MAP3K13: variants seen among roughly 807,000 people sequenced by gnomAD.
The protein encoded by MAP3K13 is mitogen-activated protein kinase kinase kinase 13.
In MAP3K13, 52 loss-of-function variants were observed where a neutral mutation model predicts 104.0. The ratio of observed to expected loss-of-function variants is 0.50; its 90% CI spans 0.40 to 0.63. MAP3K13 has a LOEUF of 0.63. Among genes scored for constraint, MAP3K13 ranks in the 20% least tolerant of loss-of-function variants. The pLI is 0.00. For synonymous variants in MAP3K13, 394 were observed against 442.2 expected, an observed-to-expected ratio of 0.89 and a Z score of 1.37; for missense variants, 914 against 1,218.5, an observed-to-expected ratio of 0.75 and a Z score of 3.72.
chr3:185,328,502 G>T (rs184710495), intron 2 of MAP3K13: 1 of 152,082 alleles, frequency 6.6e-6, no homozygotes, highest in South Asian at 2.1e-4. Flanking sequence ...CGCCCGTCTC[G>T]GCCTCTCAAA....
At chr3:185,416,782 C>G (rs1406011558) in intron 1 of MAP3K13, among the ~76,000 whole-genome samples, 1 of 148,592 alleles carries the variant, frequency 6.7e-6, no homozygotes, top group African/African-American at 2.5e-5. Flanking sequence ...CCACCATGCC[C>G]AGCTATTTTT....
At chr3:185,429,105 T>C (rs755115645) in intron 2 of MAP3K13, 49 bp downstream of exon 2, 1 of 1,541,254 alleles carries the variant, frequency 6.5e-7, no homozygotes, top group South Asian at 1.2e-5. Flanking sequence ...AAACACACCA[T>C]CACCACCACC....
At position 185,480,406 on chromosome 3, in the gene MAP3K13, G is replaced by A. The variant is rs757110367; in HGVS notation, c.2676G>A (p.Thr892=). The A allele has an allele frequency of 2.5e-6, 4 of 1,614,130 alleles. No individual in the cohort carries two copies. The highest frequency in any genetic ancestry group is 1.7e-6 in the Non-Finnish European group (2 of 1,180,014). ...AEKLDDLLSQ[T]PEIPIDISSH... is the part of the protein sequence containing the mutation. ...AGCTAGACGACCTGCTGTCCCAGACGCCAGAGATTCCCATTGACATATCCT... is the reference window on the plus strand; with the variant it reads ...AGCTAGACGACCTGCTGTCCCAGACACCAGAGATTCCCATTGACATATCCT... Residue 892 remains threonine, a synonymous_variant, in exon 13 of 14, where the codon ACG becomes ACA. Transcript: ENST00000265026.
At position 185,450,584 on chromosome 3, in the gene MAP3K13, T is replaced by G. The variant is rs1198337521; in HGVS notation, c.1169+526T>G. Among the ~76,000 whole-genome samples the G allele has an allele frequency of 2.0e-5, 3 of 151,872 alleles. No individual in the cohort carries two copies. The highest frequency in any genetic ancestry group is 7.3e-5 in the African/African-American group (3 of 41,322). On this transcript the variant is annotated intron_variant, in intron 6 of 13. Coordinates refer to ENST00000265026, the MANE Select transcript of MAP3K13 (RefSeq NM_004721.5). The surrounding 1 kb of genome is among the most constrained non-coding windows in gnomAD (Gnocchi z 4.2). ...GAGTTCAAGAGCAGCTTGGGCAACATAGCGAGACCCCATCTCTGTGTTAAA... is the reference window on the plus strand; with the variant it reads ...GAGTTCAAGAGCAGCTTGGGCAACAGAGCGAGACCCCATCTCTGTGTTAAA...
chr3:185,450,692 T>C lies in MAP3K13; in HGVS notation c.1170-595T>C, dbSNP rs1237555477. On this transcript the variant is annotated intron_variant, in intron 6 of 13. Coordinates refer to ENST00000265026, the MANE Select transcript of MAP3K13 (RefSeq NM_004721.5). The surrounding 1 kb of genome is among the most constrained non-coding windows in gnomAD (Gnocchi z 4.2). ...GCTCACGCCTGTAATCCCAACACTTTGGGAGGCCGAGGTAGGAGGATCACT... is the reference window on the plus strand; with the variant it reads ...GCTCACGCCTGTAATCCCAACACTTCGGGAGGCCGAGGTAGGAGGATCACT... Among the ~76,000 whole-genome samples, 3 of 152,042 alleles carry C rather than the reference T, an allele frequency of 2.0e-5. No individual in the cohort carries two copies. The highest frequency in any genetic ancestry group is 1.3e-4 in the Admixed American group (2 of 15,262).
intron 1 of MAP3K13, among the ~76,000 whole-genome samples, chr3:185,410,446 A>T (rs564075230): frequency 6.6e-6 from 1 of 152,288 alleles, no homozygotes; most frequent in East Asian, 1.9e-4. Context: ...CTGTAGGATG[A>T]CTATCGTTAA....
rs748560689 is a variant in MAP3K13, at chr3:185,428,887, C to A, written c.306C>A (p.Ser102Arg). ...ESETAVSQGN[S>R]NTVDGESTSG... ...AGACGGCGGTGTCTCAGGGGAACAG[C>A]AACACGGTGGACGGAGAGAGCACAA... Residue 102 changes from serine (S) to arginine (R), a missense_variant, in exon 2 of 14, where the codon AGC becomes AGA. Ser to Arg is a moderately radical substitution (Grantham distance 110). This residue lies in a region of MAP3K13 where 156 missense variants were observed against 159.8 expected (regional missense o/e 0.98). Coordinates refer to ENST00000265026, the MANE Select transcript of MAP3K13 (RefSeq NM_004721.5). 2.0e-5 allele frequency: 32 copies of A among 1,614,176 alleles called. No individual in the cohort carries two copies. The highest frequency in any genetic ancestry group is 2.7e-5 in the Non-Finnish European group (32 of 1,180,034).
Position 185,329,254 on chromosome 3 carries a change from G to A in MAP3K13, c.-86+43611G>A, listed in dbSNP as rs1292564189. On this transcript the variant is annotated intron_variant, in intron 2 of 14. Coordinates refer to the MAP3K13 transcript ENST00000424227. ...GTTTACAGTTAGAAAATAAAAGTGA[G>A]TATGTACCTAGTGCCGAGAGATTGT... 6 of 703,000 alleles carry A rather than the reference G, an allele frequency of 8.5e-6. No individual in the cohort carries two copies. The African/African-American group carries it at 8.7e-5, about 10-fold the overall frequency. The allele number at this position is 703,000 out of a possible 1,614,324, so 43.5% of individuals were successfully genotyped here.
intron 1 of MAP3K13, among the ~76,000 whole-genome samples, chr3:185,387,876 T>G (rs1711788062): frequency 6.6e-6 from 1 of 152,110 alleles, no homozygotes. Context: ...GTCAGATTTT[T>G]CCTCTTTGCA....
intron 1 of MAP3K13, among the ~76,000 whole-genome samples, chr3:185,426,722 G>A (rs1714441478): frequency 6.6e-6 from 1 of 152,042 alleles, no homozygotes; most frequent in African/African-American, 2.4e-5. Context: ...CTCCTTCACA[G>A]TTTCCCCCAC....
intron 1 of MAP3K13, among the ~76,000 whole-genome samples, chr3:185,377,688 G>A (rs1182439516): frequency 1.3e-5 from 2 of 152,248 alleles, no homozygotes; most frequent in African/African-American, 4.8e-5. Context: ...GTAATGTGGA[G>A]TAGGTAGCCT....
At chr3:185,285,854 T>C (rs1271426006) in intron 2 of MAP3K13, among the ~76,000 whole-genome samples, 1 of 152,198 alleles carries the variant, frequency 6.6e-6, no homozygotes, top group East Asian at 1.9e-4. Flanking sequence ...TGGCAAGCTA[T>C]ATTTATATTG....
intron 7 of MAP3K13, 69 bp from the exon 8 acceptor site, chr3:185,463,481 G>GTGAC: frequency 1.2e-6 from 1 of 863,196 alleles, no homozygotes; most frequent in Non-Finnish European, 1.9e-6. Context: ...AATCTTGTAC[G>GTGAC]TGACTTTATG....
At chr3:185,335,416 C>A (rs1265711058) in intron 2 of MAP3K13, among the ~76,000 whole-genome samples, 1 of 152,160 alleles carries the variant, frequency 6.6e-6, no homozygotes, top group African/African-American at 2.4e-5. Flanking sequence ...ACACCCCATC[C>A]CCTATTTGCT....
chr3:185,301,009 T>C (rs1721084918), intron 2 of MAP3K13, among the ~76,000 whole-genome samples: 1 of 152,158 alleles, frequency 6.6e-6, no homozygotes, highest in Non-Finnish European at 1.5e-5. Flanking sequence ...TTTTAATTTT[T>C]TGAGGAACTT....
At position 185,428,793 on chromosome 3, in the gene MAP3K13, G is replaced by C; in HGVS notation, c.212G>C (p.Ser71Thr). The change falls in exon 2 of 14, where the codon AGC (serine) becomes ACC (threonine). Residue 71 changes from serine to threonine, a missense_variant. Transcript: ENST00000265026. ...CCCGTCACCACAACAGTGTTGACGA[G>C]CGTAAGTGAGGATTCCAGGGACCAG... ...HSPVTTTVLTSVSEDSRDQFE... is the reference protein window; with the variant it reads ...HSPVTTTVLTTVSEDSRDQFE... 6.2e-7 allele frequency: 1 copy of C among 1,614,136 alleles called. No homozygotes were observed. Among genetic ancestry groups the C allele is most frequent in the Non-Finnish European group, 8.5e-7 (1 of 1,180,008 alleles).
intron 2 of MAP3K13, among the ~76,000 whole-genome samples, chr3:185,344,497 T>C (rs534206514): frequency 2.4e-3 from 362 of 152,326 alleles, no homozygotes; most frequent in Non-Finnish European, 3.4e-3. Flanking sequence ...CTATACACTA[T>C]ACATGGCAGT....
chr3:185,455,420 T>TGAG (rs1450498265), intron 7 of MAP3K13, among the ~76,000 whole-genome samples: 1 of 63,010 alleles, frequency 1.6e-5, no homozygotes, highest in Admixed American at 2.2e-4. Flanking sequence ...ATGAGATATA[T>TGAG]ATGATATATA....
In MAP3K13 at chr3:185,454,523, C is replaced by A. The variant is rs542989353; in HGVS notation, c.1278+3128C>A. On this transcript the variant is annotated intron_variant, in intron 7 of 13. Transcript: ENST00000265026. The stretch of plus-strand genomic sequence containing the variant: ...ATATATGAGATATATATGATATATA[C>A]CATATATATGAGATATATATATGAT... Among the ~76,000 whole-genome samples, 126 of 36,338 alleles carry A rather than the reference C, an allele frequency of 3.5e-3. 3 individuals are homozygous for A. The highest frequency in any genetic ancestry group is 6.1e-3 in the Non-Finnish European group (94 of 15,410). The allele number at this position is 36,338 out of a possible 152,430, so 23.8% of individuals were successfully genotyped here.
Sources: allele counts gnomAD v4.1 joint callset (sites outside exome capture counted in the v4.1 genomes callset), GRCh38; gene constraint gnomAD v4.1.1; regional missense constraint gnomAD v4.1.1; non-coding constraint Gnocchi (gnomAD v3.1); transcripts MANE v1.5; gene names NCBI Gene and HGNC (gene_info 2026-07-23, HGNC 2026-07-21).